The following GLG1 variants were observed in gnomAD, a reference collection of about 807,000 sequenced individuals.
GLG1 encodes Golgi apparatus protein 1.
In GLG1, 38 loss-of-function variants were observed where a neutral mutation model predicts 160.5. That is an observed-to-expected ratio of 0.24 (90% CI 0.18 to 0.31). The LOEUF is 0.31. GLG1 is among the 10% of genes least tolerant of loss of function. The probability of loss-of-function intolerance (pLI) is 1.00; values close to 1 mark genes in which losing one functional copy is unlikely to be tolerated. For missense variants in GLG1, 1,373 were observed against 1,505.2 expected, an observed-to-expected ratio of 0.91 and a Z score of 1.45; for synonymous variants, 644 against 543.4, an observed-to-expected ratio of 1.19 and a Z score of -2.57.
chr16:74,516,972 G>T (rs889477277), intron 2 of GLG1, among the ~76,000 whole-genome samples: 1 of 152,066 alleles, frequency 6.6e-6, no homozygotes, highest in Non-Finnish European at 1.5e-5. Context: ...ATAAATTCCT[G>T]GACACATACA....
At chr16:74,488,841 A>G (rs2015881445) in intron 8 of GLG1, among the ~76,000 whole-genome samples, 1 of 151,780 alleles carries the variant, frequency 6.6e-6, no homozygotes, top group Admixed American at 6.6e-5. Context: ...CTGGTCATGA[A>G]CTCCTGACCT....
chr16:74,589,683 G>A (rs956634145), intron 1 of GLG1, among the ~76,000 whole-genome samples: 10 of 152,124 alleles, frequency 6.6e-5, no homozygotes, highest in Non-Finnish European at 1.3e-4. Flanking sequence ...CAAGAGGAAG[G>A]GAAACACAAC....
intron 1 of GLG1, among the ~76,000 whole-genome samples, chr16:74,543,198 T>C (rs1567514439): frequency 6.6e-6 from 1 of 152,202 alleles, no homozygotes; most frequent in Non-Finnish European, 1.5e-5. Context: ...ATTCAGGAAG[T>C]GGACTTCCAT....
intron 2 of GLG1, among the ~76,000 whole-genome samples, chr16:74,513,244 A>G (rs1240988898): frequency 1.3e-5 from 2 of 152,200 alleles, no homozygotes; most frequent in East Asian, 3.8e-4. Flanking sequence ...ACTTATTTGA[A>G]TGAAAAAAGA....
At chr16:74,485,668 ATGTTCAACT>A (rs1186311130) in intron 9 of GLG1, 119 bp downstream of exon 9, 5 of 765,602 alleles carry the variant, frequency 6.5e-6, no homozygotes, top group Non-Finnish European at 1.1e-5. Flanking sequence ...AAGTTGGTGT[ATGTTCAACT>A]TGTTCAACAA....
intron 1 of GLG1, among the ~76,000 whole-genome samples, chr16:74,568,954 G>A (rs540871315): frequency 6.6e-6 from 1 of 152,316 alleles, no homozygotes. Flanking sequence ...GAAGGAAAAG[G>A]GGGTACATAC....
chr16:74,556,541 G>A (rs966432648), intron 1 of GLG1, among the ~76,000 whole-genome samples: 1 of 151,998 alleles, frequency 6.6e-6, no homozygotes, highest in Non-Finnish European at 1.5e-5. Context: ...ATAGTCAGCT[G>A]GGCGTGGTGG....
At chr16:74,470,366 C>T (rs968892557) in intron 15 of GLG1, among the ~76,000 whole-genome samples, 1 of 142,838 alleles carries the variant, frequency 7.0e-6, no homozygotes, top group Non-Finnish European at 1.6e-5. Context: ...TCCCTCCTTC[C>T]TTCCTTCCCT....
At chr16:74,463,105 G>A (rs977209074) in intron 20 of GLG1, 1 of 508,770 alleles carries the variant, frequency 2.0e-6, no homozygotes, top group Non-Finnish European at 3.4e-6. Flanking sequence ...TCTTTCCAAG[G>A]ACTGCCGGCC....
At chr16:74,458,839 G>A (rs2014665280) in intron 23 of GLG1, among the ~76,000 whole-genome samples, 1 of 152,148 alleles carries the variant, frequency 6.6e-6, no homozygotes, top group African/African-American at 2.4e-5. Flanking sequence ...CTGAATGAGA[G>A]GAATATCAAC....
chr16:74,490,669 G>C (rs1441799720), intron 8 of GLG1, among the ~76,000 whole-genome samples: 1 of 152,182 alleles, frequency 6.6e-6, no homozygotes, highest in Non-Finnish European at 1.5e-5. Flanking sequence ...TGTCGTCATT[G>C]ATTGGAACCT....
At chr16:74,474,000 C>G (rs902474273) in intron 13 of GLG1, among the ~76,000 whole-genome samples, 8 of 152,076 alleles carry the variant, frequency 5.3e-5, no homozygotes, top group Non-Finnish European at 4.4e-5. Context: ...GTTGCCCAGG[C>G]TGGAGTACAG....
chr16:74,534,245 T>C (rs1266855539), intron 1 of GLG1, among the ~76,000 whole-genome samples: 2 of 151,970 alleles, frequency 1.3e-5, no homozygotes, highest in Non-Finnish European at 2.9e-5. Flanking sequence ...TGAGTCGACC[T>C]AGCTTAACTC....
intron 12 of GLG1, among the ~76,000 whole-genome samples, 184 bp downstream of exon 12, chr16:74,477,212 C>G (rs2015414613): frequency 6.6e-6 from 1 of 152,130 alleles, no homozygotes; most frequent in Non-Finnish European, 1.5e-5. Context: ...GCCAACTATT[C>G]CTGATACAAA....
rs1257521637 is a variant in GLG1 at position 74,607,079 on chromosome 16, G to A, written c.16C>T (p.Arg6Cys). The A allele has an allele frequency of 3.9e-6, 6 of 1,556,278 alleles. No homozygotes were observed. In the Admixed American group the frequency reaches 5.7e-5, roughly 15 times the overall value. ...GACAAGCGGAACATCCTCCGTACACGTCCACACGCCGCCATCTTGAGTCCG... is the reference window on the plus strand; with the variant it reads ...GACAAGCGGAACATCCTCCGTACACATCCACACGCCGCCATCTTGAGTCCG... MAACG[R>C]VRRMFRLSAA... The change falls in exon 1 of 26, where the codon CGT becomes TGT. Residue 6 changes from arginine (R) to cysteine (C), a missense_variant. This residue lies in a region of GLG1 where 322 missense variants were observed against 254.6 expected (regional missense o/e 1.26). Coordinates refer to ENST00000422840, the MANE Select transcript of GLG1 (RefSeq NM_001145667.2).
chr16:74,533,315 C>T (rs3865164), intron 1 of GLG1, among the ~76,000 whole-genome samples: 102,148 of 152,044 alleles, frequency 0.67, 34,499 homozygotes, highest in East Asian at 0.81. Context: ...AGCGAGACTC[C>T]GTCTCAAAAA....
intron 1 of GLG1, among the ~76,000 whole-genome samples, chr16:74,540,907 G>A (rs898579304): frequency 1.1e-4 from 17 of 152,266 alleles, no homozygotes; most frequent in African/African-American, 2.6e-4. Context: ...AGTCAGTTAC[G>A]GTGTCCACAT....
chr16:74,531,611 A>C (rs2017536767), intron 2 of GLG1, among the ~76,000 whole-genome samples: 1 of 152,046 alleles, frequency 6.6e-6, no homozygotes, highest in Non-Finnish European at 1.5e-5. Context: ...ACAGGTGTGA[A>C]CCACCATGCC....
chr16:74,463,577 TCAC>T, intron 19 of GLG1, 98 bp from the exon 20 acceptor site: 1 of 1,232,664 alleles, frequency 8.1e-7, no homozygotes, highest in Non-Finnish European at 1.2e-6. Context: ...TCTCACCGTG[TCAC>T]CCAGGCTGGA....
Sources: allele counts gnomAD v4.1 joint callset (sites outside exome capture counted in the v4.1 genomes callset), GRCh38; gene constraint gnomAD v4.1.1; regional missense constraint gnomAD v4.1.1; transcripts MANE v1.5; gene names NCBI Gene and HGNC (gene_info 2026-07-23, HGNC 2026-07-21).